Variants in HCRTR2 observed in about 807,000 individuals in gnomAD.
HCRTR2 encodes orexin receptor type 2.
In HCRTR2, 22 loss-of-function variants were observed where a neutral mutation model predicts 49.0. That is an observed-to-expected ratio of 0.45 (90% CI 0.32 to 0.64). The LOEUF (loss-of-function observed/expected upper bound fraction) is 0.64, where lower values mean the gene tolerates loss of function less well. Ranked by LOEUF, HCRTR2 falls within the 30% of genes least tolerant of loss-of-function variation. The probability of loss-of-function intolerance (pLI) is 0.04; values close to 1 mark genes in which losing one functional copy is unlikely to be tolerated. For synonymous variants in HCRTR2, 236 were observed against 205.3 expected (o/e 1.15, Z -1.28); for missense variants, 491 against 559.4 (o/e 0.88, Z 1.23).
At chr6:55,252,645 G>A (rs555831315) in intron 2 of HCRTR2, among the ~76,000 whole-genome samples, 6 of 151,982 alleles carry the variant, frequency 3.9e-5, no homozygotes, top group Non-Finnish European at 8.8e-5. Flanking sequence ...GGTACCCTCA[G>A]GTAGCACTAA....
At chr6:55,168,721 A>G (rs911961493) in intron 1 of HCRTR2, among the ~76,000 whole-genome samples, 2 of 148,734 alleles carry the variant, frequency 1.3e-5, no homozygotes, top group Non-Finnish European at 3.0e-5. Flanking sequence ...ACATGCCACC[A>G]TGCCTGGGTA....
chr6:55,189,631 G>A (rs1449779646), intron 1 of HCRTR2, among the ~76,000 whole-genome samples: 2 of 152,140 alleles, frequency 1.3e-5, no homozygotes, highest in African/African-American at 2.4e-5. Flanking sequence ...ACACACTGGG[G>A]CCTGTTGTCG....
At chr6:55,240,051 A>G (rs149888049) in intron 1 of HCRTR2, among the ~76,000 whole-genome samples, 2,981 of 152,058 alleles carry the variant, frequency 0.02, 83 homozygotes, top group African/African-American at 0.067. Context: ...TGCCGGGATT[A>G]CAGGTGTGAG....
At chr6:55,271,898 CCTT>C (rs1218865166) in intron 4 of HCRTR2, among the ~76,000 whole-genome samples, 1 of 152,016 alleles carries the variant, frequency 6.6e-6, no homozygotes, top group Non-Finnish European at 1.5e-5. Context: ...TAATTGGAAT[CCTT>C]CTACATTGTT....
At chr6:55,170,558 A>C (rs975075600), upstream of HCRTR2, among the ~76,000 whole-genome samples, 1 of 151,690 alleles carries the variant, frequency 6.6e-6, no homozygotes, top group Admixed American at 6.6e-5. Flanking sequence ...TTGCAGTAGG[A>C]TATCACATGT....
At chr6:55,172,754 G>C (rs1304886254), upstream of HCRTR2, among the ~76,000 whole-genome samples, 1 of 149,302 alleles carries the variant, frequency 6.7e-6, no homozygotes, top group Admixed American at 6.7e-5. Context: ...GCCCTCAGGG[G>C]TTTAAAAATG....
upstream of HCRTR2, among the ~76,000 whole-genome samples, chr6:55,170,088 TCATTTTTAATATATTCCAG>T (rs1263780567): frequency 2.6e-5 from 4 of 151,658 alleles, no homozygotes; most frequent in African/African-American, 9.7e-5. Flanking sequence ...TTTTTCCGTC[TCATTTTTAATATATTCCAG>T]TTAGTGAAAG....
At chr6:55,160,004 C>T (rs150320385) in intron 1 of HCRTR2, among the ~76,000 whole-genome samples, 23,450 of 152,040 alleles carry the variant, frequency 0.15, 2,172 homozygotes, top group Non-Finnish European at 0.2. Context: ...AAAGATACTC[C>T]TCGAGAAAAA....
At chr6:55,120,800 G>A (rs937333908) in intron 1 of HCRTR2, among the ~76,000 whole-genome samples, 4 of 151,766 alleles carry the variant, frequency 2.6e-5, no homozygotes, top group African/African-American at 9.7e-5. Flanking sequence ...TTGAATAGGA[G>A]TGGTGAGAGA....
chr6:55,216,472 T>C (rs1051989092), intron 1 of HCRTR2, among the ~76,000 whole-genome samples: 1 of 152,058 alleles, frequency 6.6e-6, no homozygotes, highest in Non-Finnish European at 1.5e-5. Flanking sequence ...AATTCTAAAA[T>C]ACAGTGCTGG....
chr6:55,204,669 A>C (rs1765570082), intron 1 of HCRTR2, among the ~76,000 whole-genome samples: 1 of 152,200 alleles, frequency 6.6e-6, no homozygotes, highest in South Asian at 2.1e-4. Context: ...TAATAAAAAG[A>C]GTGGGAGAGA....
upstream of HCRTR2, chr6:55,174,433 C>T: frequency 1.4e-6 from 1 of 714,598 alleles, no homozygotes; most frequent in South Asian, 1.5e-5. Flanking sequence ...GCAGAAGACT[C>T]CGGAGGCATT....
intron 1 of HCRTR2, among the ~76,000 whole-genome samples, chr6:55,122,832 C>A (rs1764220007): frequency 6.6e-6 from 1 of 151,860 alleles, no homozygotes; most frequent in Admixed American, 6.6e-5. Flanking sequence ...ATGGATGAAG[C>A]TGGAAACCGT....
chr6:55,210,830 T>G (rs1765683440), intron 1 of HCRTR2, among the ~76,000 whole-genome samples: 1 of 152,176 alleles, frequency 6.6e-6, no homozygotes, highest in Admixed American at 6.6e-5. Flanking sequence ...CAATCTGATT[T>G]TATTAACTTC....
chr6:55,215,959 G>T (rs1765779288), intron 1 of HCRTR2, among the ~76,000 whole-genome samples: 1 of 152,156 alleles, frequency 6.6e-6, no homozygotes, highest in Non-Finnish European at 1.5e-5. Flanking sequence ...AGACTGAGTT[G>T]CTGCCTCTGT....
chr6:55,134,642 C>T (rs1581789156), intron 1 of HCRTR2, among the ~76,000 whole-genome samples: 2 of 151,950 alleles, frequency 1.3e-5, no homozygotes, highest in East Asian at 3.9e-4. Flanking sequence ...ACTGCCCTCC[C>T]TCTCCCAGAC....
rs114308051 is a variant in HCRTR2, at chr6:55,202,466, C to T, written c.223+27656C>T. Among the ~76,000 whole-genome samples, 554 of 152,276 alleles carry T rather than the reference C, an allele frequency of 3.6e-3. 6 individuals carry two copies. Among genetic ancestry groups the T allele is most frequent in the African/African-American group, 0.013 (524 of 41,544 alleles). On this transcript the variant is annotated intron_variant, in intron 1 of 6. Coordinates refer to ENST00000370862, the MANE Select transcript of HCRTR2 (RefSeq NM_001384272.1). ...TTCTTGTCTTAATCAGTTTGGGCTG[C>T]TCTAACACAATACCATAGACTAGGT...
intron 1 of HCRTR2, among the ~76,000 whole-genome samples, chr6:55,194,096 A>G (rs1398988199): frequency 6.6e-6 from 1 of 152,168 alleles, no homozygotes; most frequent in Admixed American, 6.5e-5. Flanking sequence ...AAGAAAAAAC[A>G]AAAAACAAAA....
chr6:55,160,927 G>C (rs1312522663), intron 1 of HCRTR2, among the ~76,000 whole-genome samples: 5 of 152,100 alleles, frequency 3.3e-5, no homozygotes, highest in African/African-American at 1.2e-4. Context: ...AGATCAATGA[G>C]ACAGAAAATT....
Sources: allele counts gnomAD v4.1 joint callset (sites outside exome capture counted in the v4.1 genomes callset), GRCh38; gene constraint gnomAD v4.1.1; transcripts MANE v1.5; gene names NCBI Gene and HGNC (gene_info 2026-07-23, HGNC 2026-07-21).